Variants in CORO7 observed in about 807,000 individuals in gnomAD.
CORO7 encodes the protein coronin-7.
CORO7 carries 107 observed loss-of-function variants against 126.6 expected under a neutral mutation model. The observed-to-expected ratio is 0.85, with a 90% confidence interval of 0.72 to 0.99. The LOEUF (loss-of-function observed/expected upper bound fraction) is 0.99, where lower values mean the gene tolerates loss of function less well. CORO7 is among the 50% of genes least tolerant of loss of function. CORO7 has a pLI of 0.00. For synonymous variants in CORO7, 603 were observed against 536.8 expected (o/e 1.12, Z -1.70); for missense variants, 1,314 against 1,255.8 (o/e 1.05, Z -0.70).
At chr16:4,410,185 G>A (rs1451870530) in intron 3 of CORO7, among the ~76,000 whole-genome samples, 1 of 152,162 alleles carries the variant, frequency 6.6e-6, no homozygotes, top group Non-Finnish European at 1.5e-5. Context: ...AGCACTTTGG[G>A]AGGCCAAGGT....
intron 26 of CORO7, 96 bp from the exon 27 acceptor site, chr16:4,355,468 C>CTTTTT: frequency 9.3e-7 from 1 of 1,075,804 alleles, no homozygotes. Context: ...GTGAAAAGAA[C>CTTTTT]TTTTTTTTTT....
At chr16:4,413,827 C>T (rs1276383921) in intron 1 of CORO7, among the ~76,000 whole-genome samples, 3 of 151,774 alleles carry the variant, frequency 2.0e-5, no homozygotes, top group Non-Finnish European at 2.9e-5. Flanking sequence ...CATGAGCCTC[C>T]GCCCCCAGCC....
At chr16:4,389,044 G>A (rs1035907128) in intron 7 of CORO7, among the ~76,000 whole-genome samples, 1 of 152,208 alleles carries the variant, frequency 6.6e-6, no homozygotes, top group African/African-American at 2.4e-5. Flanking sequence ...TCTCGCTTGT[G>A]TAAGGGGCTC....
At chr16:4,388,125 G>T in intron 8 of CORO7, 57 bp from the exon 9 acceptor site, 1 of 1,563,894 alleles carries the variant, frequency 6.4e-7, no homozygotes, top group Non-Finnish European at 8.7e-7. Flanking sequence ...CCCACCCGGG[G>T]GGCTCCCAGG....
chr16:4,355,032 G>T lies in CORO7; in HGVS notation c.*126C>A. On this transcript the variant is annotated 3_prime_UTR_variant, in exon 28 of 28. Coordinates refer to ENST00000251166, the MANE Select transcript of CORO7 (RefSeq NM_024535.5). ...CCCAGAGGATGTGGAAGTGCCCACG[G>T]GAAGGCAGGAGTGCAGGGGTGACAT... The T allele has an allele frequency of 9.1e-7, 1 of 1,093,548 alleles. No homozygotes were observed. Among genetic ancestry groups the T allele is most frequent in the Non-Finnish European group, 1.2e-6 (1 of 800,176 alleles). 67.7% of individuals were successfully genotyped at this position (1,093,548 alleles called of 1,614,324 possible).
intron 9 of CORO7, among the ~76,000 whole-genome samples, chr16:4,385,782 C>T (rs775707929): frequency 1.3e-5 from 2 of 152,238 alleles, no homozygotes; most frequent in Non-Finnish European, 2.9e-5. Flanking sequence ...AGCGGAGGCC[C>T]CTGGGTGAGG....
At position 4,380,820 on chromosome 16, in the gene CORO7, T is replaced by C. The variant is rs1444828403; in HGVS notation, c.785+7166A>G. On this transcript the variant is annotated intron_variant, in intron 9 of 27. Transcript: ENST00000251166. ...GGCTCTTCCTGGCGTGTCTGCCTTC[T>C]AGGCCCCTGACTCACAGTCTTCTGT... 70 of 1,427,274 alleles carry C rather than the reference T, an allele frequency of 4.9e-5. 1 individual carries two copies. Among genetic ancestry groups the C allele is most frequent in the Non-Finnish European group, 9.2e-7 (1 of 1,092,234 alleles). 88.4% of individuals were successfully genotyped at this position (1,427,274 alleles called of 1,614,324 possible). A position where few individuals can be genotyped will look rare whatever the true frequency, so the allele number is the denominator to read the frequency against.
intron 7 of CORO7, among the ~76,000 whole-genome samples, chr16:4,390,920 C>T (rs1180013232): frequency 6.6e-6 from 1 of 152,238 alleles, no homozygotes; most frequent in African/African-American, 2.4e-5. Flanking sequence ...TTCCAGCAAA[C>T]ATCCTGGGCC....
intron 9 of CORO7, among the ~76,000 whole-genome samples, chr16:4,369,344 T>C (rs12449136): frequency 0.096 from 14,639 of 152,264 alleles, 1,336 homozygotes; most frequent in African/African-American, 0.24. Flanking sequence ...GGTCTGGGTC[T>C]GGAACATGGT....
intron 9 of CORO7, chr16:4,382,913 A>G (rs1273409576): frequency 6.7e-7 from 1 of 1,487,032 alleles, no homozygotes; most frequent in East Asian, 2.4e-5. Flanking sequence ...AGAGAGAGAC[A>G]GGGCAGCTGG....
chr16:4,383,044 C>T, intron 9 of CORO7: 1 of 893,358 alleles, frequency 1.1e-6, no homozygotes, highest in Non-Finnish European at 1.6e-6. Context: ...GGGCCCTGTT[C>T]CCTCTGGACC....
intron 9 of CORO7, among the ~76,000 whole-genome samples, chr16:4,373,958 C>G (rs1475141378): frequency 6.6e-6 from 1 of 152,118 alleles, no homozygotes; most frequent in Non-Finnish European, 1.5e-5. Context: ...CTCTCCTGGA[C>G]CCCCCATCAG....
intron 3 of CORO7, among the ~76,000 whole-genome samples, chr16:4,412,106 G>A (rs554678319): frequency 5.9e-5 from 9 of 151,948 alleles, no homozygotes; most frequent in Non-Finnish European, 1.0e-4. Context: ...AGCCTGGGGC[G>A]GCCACTGCAC....
At chr16:4,386,657 C>T (rs2055203295) in intron 9 of CORO7, among the ~76,000 whole-genome samples, 1 of 152,174 alleles carries the variant, frequency 6.6e-6, no homozygotes, top group Middle Eastern at 3.2e-3. Flanking sequence ...TGAGGGCAGC[C>T]CTGACTCTGC....
At position 4,355,052 on chromosome 16, in the gene CORO7, T is replaced by G; in HGVS notation, c.*106A>C. ...CCACGGGAAGGCAGGAGTGCAGGGGTGACATGTGCCGGGGCCAGAGAGGTA... is the reference window on the plus strand; with the variant it reads ...CCACGGGAAGGCAGGAGTGCAGGGGGGACATGTGCCGGGGCCAGAGAGGTA... On this transcript the variant is annotated 3_prime_UTR_variant, in exon 28 of 28. Transcript: ENST00000251166. 3.1e-6 allele frequency: 4 copies of G among 1,281,776 alleles called. No individual in the cohort carries two copies. Among genetic ancestry groups the G allele is most frequent in the Non-Finnish European group, 2.1e-6 (2 of 959,868 alleles). 79.4% of individuals were successfully genotyped at this position (1,281,776 alleles called of 1,614,324 possible).
At chr16:4,403,672 G>C (rs2055894143) in intron 6 of CORO7, among the ~76,000 whole-genome samples, 1 of 151,986 alleles carries the variant, frequency 6.6e-6, no homozygotes, top group Non-Finnish European at 1.5e-5. Context: ...CAAGCCGGTG[G>C]CCCATGGGGC....
At chr16:4,381,577 G>A in intron 9 of CORO7, 5 of 1,604,822 alleles carry the variant, frequency 3.1e-6, no homozygotes, top group Non-Finnish European at 4.3e-6. Context: ...AGTGCCACCT[G>A]TGATCCGAGG....
chr16:4,372,606 G>T (rs7200336), intron 9 of CORO7, among the ~76,000 whole-genome samples: 98,985 of 152,044 alleles, frequency 0.65, 33,700 homozygotes, highest in East Asian at 0.8. Flanking sequence ...CCTCTGCCAG[G>T]GAAGGGGCTT....
chr16:4,394,242 G>A (rs9928141), intron 7 of CORO7, among the ~76,000 whole-genome samples: 6,270 of 151,972 alleles, frequency 0.041, 320 homozygotes, highest in African/African-American at 0.12. Context: ...TCAGGAGATC[G>A]AGACCATCCT....
Sources: gnomAD v4.1 joint callset for allele counts (sites outside exome capture counted in the v4.1 genomes callset) on GRCh38, gnomAD v4.1.1 for gene constraint, MANE v1.5 for transcripts, NCBI Gene and HGNC (gene_info 2026-07-23, HGNC 2026-07-21) for gene names.